The following ADAM22 variants were observed in gnomAD, a reference collection of about 807,000 sequenced individuals.
ADAM22 encodes the protein disintegrin and metalloproteinase domain-containing protein 22.
In ADAM22, 65 loss-of-function variants were observed where a neutral mutation model predicts 144.6. The observed-to-expected ratio is 0.45, with a 90% CI of 0.37 to 0.55. ADAM22 has a LOEUF of 0.55. Ranked by LOEUF, ADAM22 falls within the 20% of genes least tolerant of loss-of-function variation. The pLI, the probability that ADAM22 is intolerant of heterozygous loss-of-function variation, is 0.00. For synonymous variants in ADAM22, 391 were observed against 412.6 expected (o/e 0.95, Z 0.63); for missense variants, 974 against 1,184.9 (o/e 0.82, Z 2.61).
At chr7:88,156,377 T>A (rs1839958229) in intron 22 of ADAM22, among the ~76,000 whole-genome samples, 1 of 152,122 alleles carries the variant, frequency 6.6e-6, no homozygotes, top group South Asian at 2.1e-4. Context: ...GATCTTTTTT[T>A]AGAGTTCATA....
intron 14 of ADAM22, among the ~76,000 whole-genome samples, chr7:88,139,476 A>C (rs1833986499): frequency 6.6e-6 from 1 of 152,054 alleles, no homozygotes; most frequent in South Asian, 2.1e-4. Context: ...GCTTTGAAAA[A>C]AGACCTATTT....
At chr7:88,191,438 C>A (rs919516677) in intron 30 of ADAM22, among the ~76,000 whole-genome samples, 2 of 152,202 alleles carry the variant, frequency 1.3e-5, no homozygotes. Context: ...GTGTACCTTA[C>A]TAGCTTTCCT....
chr7:88,069,641 T>C (rs972177560), intron 3 of ADAM22, among the ~76,000 whole-genome samples: 1 of 152,224 alleles, frequency 6.6e-6, no homozygotes, highest in African/African-American at 2.4e-5. Flanking sequence ...AAAATCTTAT[T>C]CCATTATAGT....
intron 2 of ADAM22, among the ~76,000 whole-genome samples, chr7:87,957,707 C>T (rs1315086646): frequency 3.9e-5 from 6 of 152,184 alleles, no homozygotes; most frequent in South Asian, 2.1e-4. Flanking sequence ...CTCAGCCTCC[C>T]GAGTAGCTGG....
intron 3 of ADAM22, among the ~76,000 whole-genome samples, chr7:88,036,253 A>G (rs1563074820): frequency 6.6e-6 from 1 of 152,158 alleles, no homozygotes; most frequent in African/African-American, 2.4e-5. Flanking sequence ...CACTAAAGAA[A>G]GAAAATAACC....
intron 3 of ADAM22, among the ~76,000 whole-genome samples, chr7:88,041,263 G>A (rs780952387): frequency 6.6e-6 from 1 of 151,912 alleles, no homozygotes; most frequent in Admixed American, 6.6e-5. Flanking sequence ...GAATCTTGGG[G>A]GCTATCTTAG....
intron 2 of ADAM22, among the ~76,000 whole-genome samples, chr7:87,974,037 T>A (rs923625061): frequency 6.6e-6 from 1 of 150,692 alleles, no homozygotes; most frequent in Admixed American, 6.6e-5. Flanking sequence ...TGTATACATA[T>A]GTAACAAAGC....
At chr7:87,957,280 T>G (rs923149876) in intron 2 of ADAM22, among the ~76,000 whole-genome samples, 1 of 152,252 alleles carries the variant, frequency 6.6e-6, no homozygotes, top group African/African-American at 2.4e-5. Context: ...AGCTGTTCTA[T>G]GGTATCAGTG....
intron 3 of ADAM22, among the ~76,000 whole-genome samples, chr7:88,014,375 A>G (rs923786278): frequency 5.3e-5 from 8 of 152,130 alleles, no homozygotes; most frequent in African/African-American, 1.9e-4. Flanking sequence ...AAACTTTTTC[A>G]TATTTTATTG....
At chr7:88,195,191 T>C (rs1395668479) in intron 31 of ADAM22, among the ~76,000 whole-genome samples, 1 of 152,192 alleles carries the variant, frequency 6.6e-6, no homozygotes, top group Non-Finnish European at 1.5e-5. Context: ...TCATAGGCTT[T>C]ATTTGTTTAT....
In ADAM22 at chr7:88,068,061, G is replaced by A. The variant is rs111726754; in HGVS notation, c.324-7565G>A. 2.0e-3 allele frequency among the ~76,000 whole-genome samples: 299 copies of A among 152,072 alleles called. 2 individuals carry two copies. Among genetic ancestry groups the A allele is most frequent in the Middle Eastern group, 0.01 (3 of 294 alleles). On this transcript the variant is annotated intron_variant, in intron 3 of 31. Coordinates refer to ENST00000413139, the MANE Select transcript of ADAM22 (RefSeq NM_001324418.2). ...TGCTGAGGGTATAGATAACAGTTTTGGCACTTTAAAAAAAGCTGAGGAATG... is the reference window on the plus strand; with the variant it reads ...TGCTGAGGGTATAGATAACAGTTTTAGCACTTTAAAAAAAGCTGAGGAATG...
intron 4 of ADAM22, among the ~76,000 whole-genome samples, chr7:88,102,398 T>G (rs1823164854): frequency 6.6e-6 from 1 of 152,168 alleles, no homozygotes; most frequent in African/African-American, 2.4e-5. Context: ...ACTGCTATTT[T>G]GAGGAGCATT....
intron 2 of ADAM22, among the ~76,000 whole-genome samples, chr7:87,949,946 A>C (rs989012658): frequency 2.0e-5 from 3 of 151,026 alleles, no homozygotes; most frequent in African/African-American, 7.3e-5. Context: ...ATATTCTTTT[A>C]TAACTTTTTT....
intron 4 of ADAM22, among the ~76,000 whole-genome samples, chr7:88,079,744 CAAAG>C (rs1392103340): frequency 2.6e-5 from 4 of 152,060 alleles, no homozygotes; most frequent in Non-Finnish European, 4.4e-5. Flanking sequence ...TCAAAAGAGA[CAAAG>C]AAGGCTATTA....
intron 14 of ADAM22, among the ~76,000 whole-genome samples, chr7:88,140,131 C>T (rs939611856): frequency 6.6e-6 from 1 of 152,004 alleles, no homozygotes; most frequent in South Asian, 2.1e-4. Flanking sequence ...AACCGAATCT[C>T]GTGTAAACTT....
At chr7:88,026,148 C>T (rs1006009151) in intron 3 of ADAM22, among the ~76,000 whole-genome samples, 3 of 152,108 alleles carry the variant, frequency 2.0e-5, no homozygotes, top group African/African-American at 4.8e-5. Flanking sequence ...TTGCTGTTAG[C>T]ATGTGTGTTA....
chr7:88,116,386 G>A (rs1827768122), intron 6 of ADAM22, among the ~76,000 whole-genome samples: 1 of 152,128 alleles, frequency 6.6e-6, no homozygotes, highest in South Asian at 2.1e-4. Context: ...GCCTACCAAA[G>A]CTCTCTGACT....
At chr7:88,070,005 T>A (rs1056734058) in intron 3 of ADAM22, among the ~76,000 whole-genome samples, 6 of 152,074 alleles carry the variant, frequency 3.9e-5, no homozygotes, top group East Asian at 3.9e-4. Flanking sequence ...ATTTTTTTTT[T>A]AAAAGAAATG....
chr7:87,947,078 G>A (rs928882912), intron 2 of ADAM22, among the ~76,000 whole-genome samples: 1 of 152,034 alleles, frequency 6.6e-6, no homozygotes, highest in Non-Finnish European at 1.5e-5. Flanking sequence ...GAGGGGCAAG[G>A]GTTGAAAAAC....
Sources: allele counts gnomAD v4.1 joint callset (sites outside exome capture counted in the v4.1 genomes callset), GRCh38; gene constraint gnomAD v4.1.1; transcripts MANE v1.5; gene names NCBI Gene and HGNC (gene_info 2026-07-23, HGNC 2026-07-21).